The following L3MBTL2 variants were observed in gnomAD, a reference collection of about 807,000 sequenced individuals.
L3MBTL2 encodes lethal(3)malignant brain tumor-like protein 2.
Under a neutral mutation model 86.4 loss-of-function variants are expected in L3MBTL2, and 49 were observed. The ratio of observed to expected loss-of-function variants is 0.57; its 90% CI spans 0.45 to 0.72. The LOEUF (loss-of-function observed/expected upper bound fraction) is 0.72, where lower values mean the gene tolerates loss of function less well. L3MBTL2 is among the 30% of genes least tolerant of loss of function. The pLI, the probability that L3MBTL2 is intolerant of heterozygous loss-of-function variation, is 0.00. For missense variants in L3MBTL2, 755 were observed against 923.7 expected, an observed-to-expected ratio of 0.82 and a Z score of 2.37; for synonymous variants, 336 against 350.6, an observed-to-expected ratio of 0.96 and a Z score of 0.47.
rs779092202 is a variant in L3MBTL2 at position 41,205,348 on chromosome 22, C to A, written c.-15C>A. 1 of 1,614,074 alleles carries A rather than the reference C, an allele frequency of 6.2e-7. No homozygotes were observed. ...GCTTCCTGCACCTGGTGACGCTTGG[C>A]GAAACTGAGGTCTCATGGAGAAGCC... On this transcript the variant is annotated 5_prime_UTR_variant, in exon 1 of 17. Coordinates refer to ENST00000216237, the MANE Select transcript of L3MBTL2 (RefSeq NM_031488.5).
rs759370019 is a variant in L3MBTL2, at chr22:41,227,642, G to A, written c.1823-162G>A. 20 of 1,551,732 alleles carry A rather than the reference G, an allele frequency of 1.3e-5. No homozygotes were observed. The highest frequency in any genetic ancestry group is 2.4e-5 in the East Asian group (1 of 40,928). On this transcript the variant is annotated intron_variant, in intron 14 of 16. Coordinates refer to ENST00000216237, the MANE Select transcript of L3MBTL2 (RefSeq NM_031488.5). The surrounding 1 kb of genome is among the most constrained non-coding windows in gnomAD (Gnocchi z 6.0). The stretch of plus-strand genomic sequence containing the variant: ...TGGGAAGAAGGGACAGCTGTTCTCC[G>A]GCCCCTCCTCCAGCCCCGCCCTCTC...
At position 41,225,784 on chromosome 22, in the gene L3MBTL2, C is replaced by T. The variant is rs200339920; in HGVS notation, c.1357-10C>T. 96 of 1,604,098 alleles carry T rather than the reference C, an allele frequency of 6.0e-5. No individual in the cohort carries two copies. The East Asian group carries it at 2.1e-3, about 36-fold the overall frequency. On this transcript the variant is annotated splice_polypyrimidine_tract_variant and intron_variant, in intron 11 of 16. Coordinates refer to ENST00000216237, the MANE Select transcript of L3MBTL2 (RefSeq NM_031488.5). This position sits in a 1 kb window ranked among gnomAD's most constrained non-coding sequence, Gnocchi z 4.1. ...ATATGATCTGTCTGCCTGCTCCCCC[C>T]ACCCCCCAGGTTCTCCTGGATGGAT...
chr22:41,213,457 CTTT>C (rs139449), intron 2 of L3MBTL2, among the ~76,000 whole-genome samples: 17 of 127,200 alleles, frequency 1.3e-4, no homozygotes, highest in Admixed American at 3.3e-4. Context: ...CACACCTGGC[CTTT>C]TTTTTTTTTT....
intron 3 of L3MBTL2, among the ~76,000 whole-genome samples, chr22:41,215,856 A>G (rs1226948663): frequency 6.6e-6 from 1 of 152,204 alleles, no homozygotes; most frequent in Non-Finnish European, 1.5e-5. Context: ...GAAGGAGATG[A>G]CTGAGACTTG....
Position 41,227,100 on chromosome 22 carries a change from C to T in L3MBTL2, c.1599C>T (p.Asn533=). ...PSRLFNMDCP[N]HGFKVGMKLE... The stretch of plus-strand genomic sequence containing the variant: ...TTTTTCTGCCCCAGGATTGCCCAAA[C>T]CATGGCTTCAAGGTGGGCATGAAGC... The change falls in exon 14 of 17, where the codon AAC becomes AAT. Residue 533 remains asparagine, a synonymous_variant. Coordinates refer to ENST00000216237, the MANE Select transcript of L3MBTL2 (RefSeq NM_031488.5). The surrounding 1 kb of genome is among the most constrained non-coding windows in gnomAD (Gnocchi z 6.0). 6.2e-7 allele frequency: 1 copy of T among 1,612,268 alleles called. No individual in the cohort carries two copies. Among genetic ancestry groups the T allele is most frequent in the Non-Finnish European group, 8.5e-7 (1 of 1,179,498 alleles).
chr22:41,219,362 G>C (rs1245996436), intron 5 of L3MBTL2, 57 bp from the exon 6 acceptor site: 1 of 1,325,486 alleles, frequency 7.5e-7, no homozygotes, highest in Admixed American at 1.7e-5. Flanking sequence ...GAGGCAGTCT[G>C]TCTCCCCTGC....
chr22:41,217,163 T>A lies in L3MBTL2; in HGVS notation c.561T>A (p.Asp187Glu). The stretch of plus-strand genomic sequence containing the variant: ...TCGACTGGGGGAAGTTCCTGAAGGA[T>A]CACAGTTACAAGGCTGCTCCCGTCA... ...LGFDWGKFLK[D>E]HSYKAAPVSC... The change falls in exon 5 of 17, where the codon GAT (aspartate) becomes GAA (glutamate). Residue 187 changes from aspartate (D) to glutamate (E), a missense_variant. By Grantham distance (45) the Asp-to-Glu change is conservative. Coordinates refer to ENST00000216237, the MANE Select transcript of L3MBTL2 (RefSeq NM_031488.5). 6.2e-7 allele frequency: 1 copy of A among 1,613,926 alleles called. No individual in the cohort carries two copies. Among genetic ancestry groups the A allele is most frequent in the Non-Finnish European group, 8.5e-7 (1 of 1,180,000 alleles).
At chr22:41,210,069 T>G (rs2030600121) in intron 2 of L3MBTL2, 136 bp downstream of exon 2, 1 of 1,148,338 alleles carries the variant, frequency 8.7e-7, no homozygotes, top group Non-Finnish European at 1.2e-6. Flanking sequence ...GGATCAGATG[T>G]GTAAGGACCT....
At chr22:41,229,870 C>CCCT (rs989351912) in intron 16 of L3MBTL2, 8 of 800,656 alleles carry the variant, frequency 1.0e-5, no homozygotes, top group Middle Eastern at 3.5e-4. Context: ...CGGCCCCGGC[C>CCCT]CCTCCTCCTC....
At chr22:41,206,738 GCAGTGAGCCGAGAT>G (rs935950796) in intron 1 of L3MBTL2, among the ~76,000 whole-genome samples, 10 of 151,860 alleles carry the variant, frequency 6.6e-5, no homozygotes, top group African/African-American at 2.4e-4. Flanking sequence ...GGCGGAGCTT[GCAGTGAGCCGAGAT>G]CGGGCCACTG....
At position 41,219,493 on chromosome 22, in the gene L3MBTL2, C is replaced by G; in HGVS notation, c.675C>G (p.Leu225=). ...AGGTGCTCAACAGTGATGCTGTGCT[C>G]CCCAGCCGGGTGTACTGGATCGCCT... ...KVEVLNSDAV[L]PSRVYWIASV... The change falls in exon 6 of 17, where the codon CTC becomes CTG. Residue 225 remains leucine, a synonymous_variant. Coordinates refer to ENST00000216237, the MANE Select transcript of L3MBTL2 (RefSeq NM_031488.5). 1.2e-6 allele frequency: 2 copies of G among 1,613,876 alleles called. No homozygotes were observed. Among genetic ancestry groups the G allele is most frequent in the Non-Finnish European group, 1.7e-6 (2 of 1,179,850 alleles).
chr22:41,226,666 T>G lies in L3MBTL2; in HGVS notation c.1509T>G (p.Tyr503Ter). ...CTGAGCTTTCTGCTCCTCCAGGTTA[T>G]GAGGCACAGACTTTCAACTGGGAGA... is the stretch of plus-strand genomic sequence containing the variant. Reference protein sequence around the residue: ...NDIELTPPKGYEAQTFNWENY... With the variant: ...NDIELTPPKG Residue 503 changes from tyrosine (Y) to a stop codon, truncating the protein, a stop_gained, in exon 13 of 17, where the codon TAT becomes TAG. Coordinates refer to ENST00000216237, the MANE Select transcript of L3MBTL2 (RefSeq NM_031488.5). LOFTEE classifies it high-confidence loss of function. The G allele has an allele frequency of 6.2e-7, 1 of 1,612,204 alleles. No individual in the cohort carries two copies. The highest frequency in any genetic ancestry group is 8.5e-7 in the Non-Finnish European group (1 of 1,178,232).
At position 41,227,117 on chromosome 22, in the gene L3MBTL2, G is replaced by A. The variant is rs1407389129; in HGVS notation, c.1616G>A (p.Gly539Asp). 3 of 1,613,234 alleles carry A rather than the reference G, an allele frequency of 1.9e-6. No homozygotes were observed. Among genetic ancestry groups the A allele is most frequent in the Non-Finnish European group, 2.5e-6 (3 of 1,179,826 alleles). ...TGCCCAAACCATGGCTTCAAGGTGG[G>A]CATGAAGCTGGAGGCCGTGGACCTG... ...MDCPNHGFKV[G>D]MKLEAVDLME... The change falls in exon 14 of 17, where the codon GGC (glycine) becomes GAC (aspartate). Residue 539 changes from glycine (G) to aspartate (D), a missense_variant. Physicochemically the swap from Gly to Asp is moderately conservative, Grantham distance 94. This residue lies in a region of L3MBTL2 where 634 missense variants were observed against 748.9 expected (regional missense o/e 0.85). Coordinates refer to ENST00000216237, the MANE Select transcript of L3MBTL2 (RefSeq NM_031488.5). This position sits in a 1 kb window ranked among gnomAD's most constrained non-coding sequence, Gnocchi z 6.0.
At position 41,225,803 on chromosome 22, in the gene L3MBTL2, G is replaced by A. The variant is rs748031196; in HGVS notation, c.1366G>A (p.Asp456Asn). 1 of 1,611,792 alleles carries A rather than the reference G, an allele frequency of 6.2e-7. No individual in the cohort carries two copies. The highest frequency in any genetic ancestry group is 8.5e-7 in the Non-Finnish European group (1 of 1,178,196). Reference sequence around the variant, plus strand: ...TCCCCCCACCCCCCAGGTTCTCCTGGATGGATACCTGATGATCTGTGTGGA... The same window carrying A: ...TCCCCCCACCCCCCAGGTTCTCCTGAATGGATACCTGATGATCTGTGTGGA... ...CVATVCKVLLDGYLMICVDGG... is the reference protein window; with the variant it reads ...CVATVCKVLLNGYLMICVDGG... Residue 456 changes from aspartate to asparagine, a missense_variant, in exon 12 of 17, where the codon GAT (aspartate) becomes AAT (asparagine). Coordinates refer to ENST00000216237, the MANE Select transcript of L3MBTL2 (RefSeq NM_031488.5). This position sits in a 1 kb window ranked among gnomAD's most constrained non-coding sequence, Gnocchi z 4.1.
At chr22:41,217,337 A>T in intron 5 of L3MBTL2, 135 bp downstream of exon 5, 1 of 643,006 alleles carries the variant, frequency 1.6e-6, no homozygotes, top group South Asian at 1.8e-5. Context: ...TGGCGTTACC[A>T]CTCGCTCCAT....
At chr22:41,219,301 A>G (rs1749785499) in intron 5 of L3MBTL2, 118 bp from the exon 6 acceptor site, 1 of 736,396 alleles carries the variant, frequency 1.4e-6, no homozygotes, top group Non-Finnish European at 2.5e-6. Flanking sequence ...TTCTGCACAC[A>G]GTGGGTGATG....
At chr22:41,228,597 T>A in intron 15 of L3MBTL2, 1 of 844,010 alleles carries the variant, frequency 1.2e-6, no homozygotes, top group Non-Finnish European at 1.4e-6. Context: ...ACACCTGTAA[T>A]CCCATCACTT....
chr22:41,217,021 G>T (rs867626239), intron 4 of L3MBTL2, 102 bp from the exon 5 acceptor site: 3 of 831,250 alleles, frequency 3.6e-6, no homozygotes, highest in Non-Finnish European at 6.0e-6. Context: ...TGCTGGGGGT[G>T]GGGGACCTAC....
intron 16 of L3MBTL2, 79 bp downstream of exon 16, chr22:41,229,735 G>A (rs767399964): frequency 3.0e-5 from 49 of 1,609,886 alleles, no homozygotes; most frequent in South Asian, 4.4e-5. Flanking sequence ...CCCCACCTGG[G>A]CACAGAAGAG....
Sources: gnomAD v4.1 joint callset for allele counts (sites outside exome capture counted in the v4.1 genomes callset) on GRCh38, gnomAD v4.1.1 for gene constraint, gnomAD v4.1.1 regional missense constraint, Gnocchi (gnomAD v3.1) non-coding constraint, MANE v1.5 for transcripts, NCBI Gene and HGNC (gene_info 2026-07-23, HGNC 2026-07-21) for gene names.